SPEF2: variants seen among roughly 807,000 people sequenced by gnomAD.
SPEF2 encodes sperm flagellar and cilia associated 2.
Under a neutral mutation model 224.6 loss-of-function variants are expected in SPEF2, and 187 were observed. The ratio of observed to expected loss-of-function variants is 0.83; its 90% confidence interval spans 0.74 to 0.94. The LOEUF is 0.94. SPEF2 is among the 40% of genes least tolerant of loss of function. SPEF2 has a pLI of 0.00. For missense variants in SPEF2, 2,170 were observed against 2,135.6 expected (o/e 1.02, Z -0.32); for synonymous variants, 715 against 707.3 (o/e 1.01, Z -0.17).
At chr5:35,639,425 C>CT (rs1158444328) in intron 2 of SPEF2, among the ~76,000 whole-genome samples, 1 of 152,072 alleles carries the variant, frequency 6.6e-6, no homozygotes, top group Non-Finnish European at 1.5e-5. Flanking sequence ...AAAATAATCC[C>CT]TTTTTTGTCA....
intron 6 of SPEF2, among the ~76,000 whole-genome samples, chr5:35,653,467 G>T (rs747358751): frequency 2.4e-4 from 36 of 152,154 alleles, no homozygotes; most frequent in African/African-American, 4.8e-5. Flanking sequence ...GGAACCATCT[G>T]TACATAGAAG....
rs758974708 is a variant in SPEF2, at chr5:35,670,256, GC to G, written c.1524+30del. ...CCTACTGATATGAAATAATTAGAAT[GC>G]TACATAATAAATCCTTTTTCTTTAA... is the stretch of plus-strand genomic sequence containing the variant. On this transcript the variant is annotated intron_variant, in intron 10 of 36. Transcript: ENST00000356031. 4.2e-5 allele frequency: 65 copies of G among 1,547,300 alleles called. No individual in the cohort carries two copies. In the Admixed American group the frequency reaches 5.9e-4, roughly 14 times the overall value.
chr5:35,789,728 G>A, intron 30 of SPEF2: 1 of 678,880 alleles, frequency 1.5e-6, no homozygotes. Flanking sequence ...TGCTGACTTT[G>A]AACCTATTAT....
chr5:35,764,827 C>T (rs1751873133), intron 26 of SPEF2: 2 of 415,528 alleles, frequency 4.8e-6, no homozygotes, highest in South Asian at 1.8e-5. Flanking sequence ...CTTTTGTTCT[C>T]CCCGCTTATT....
intron 23 of SPEF2, among the ~76,000 whole-genome samples, chr5:35,749,216 G>A (rs1024653619): frequency 4.6e-5 from 7 of 152,054 alleles, no homozygotes; most frequent in East Asian, 1.9e-4. Context: ...TGTAATAAAA[G>A]CCATCTATGA....
At chr5:35,649,074 T>C (rs1389845) in intron 5 of SPEF2, among the ~76,000 whole-genome samples, 90,617 of 151,748 alleles carry the variant, frequency 0.6, 27,656 homozygotes, top group East Asian at 0.74. Flanking sequence ...ATGTATGTCC[T>C]GACTCTTTGA....
rs373297347 is a variant in SPEF2 at position 35,799,998 on chromosome 5, A to G, written c.4861A>G (p.Lys1621Glu). The G allele has an allele frequency of 1.9e-6, 3 of 1,613,870 alleles. No homozygotes were observed. The African/African-American group carries it at 4.0e-5, about 22-fold the overall frequency. The change falls in exon 34 of 37, where the codon AAG (lysine) becomes GAG (glutamate). Residue 1621 changes from lysine (K) to glutamate (E), a missense_variant. By Grantham distance (56) the Lys-to-Glu change is moderately conservative. Coordinates refer to ENST00000356031, the MANE Select transcript of SPEF2 (RefSeq NM_024867.4). ...CTTTAGGCTATTTGCTGACTATGAG[A>G]AGGATCCACCCCAGCTTGACTACAC... is the stretch of plus-strand genomic sequence containing the variant. ...FFFRLFADYE[K>E]DPPQLDYTQM...
chr5:35,794,443 A>G (rs1357082550), intron 32 of SPEF2, among the ~76,000 whole-genome samples: 2 of 152,140 alleles, frequency 1.3e-5, no homozygotes, highest in Non-Finnish European at 2.9e-5. Flanking sequence ...GAGTTGAGCC[A>G]GAAGGAAAAA....
intron 2 of SPEF2, 60 bp from the exon 3 acceptor site, chr5:35,641,371 T>C (rs1352576457): frequency 1.3e-6 from 2 of 1,509,164 alleles, no homozygotes; most frequent in African/African-American, 1.4e-5. Context: ...TGTCTGATAT[T>C]TGTTGTTTGT....
At chr5:35,803,111 G>A (rs1378162853) in intron 34 of SPEF2, among the ~76,000 whole-genome samples, 2 of 152,328 alleles carry the variant, frequency 1.3e-5, no homozygotes, top group Non-Finnish European at 2.9e-5. Context: ...GGCCAGGAAA[G>A]AAGTGAAGAA....
intron 20 of SPEF2, among the ~76,000 whole-genome samples, chr5:35,718,227 C>G (rs1191311461): frequency 3.3e-5 from 5 of 152,152 alleles, no homozygotes; most frequent in Admixed American, 3.3e-4. Context: ...TGAGCCCAAT[C>G]CTAAGCCAAC....
chr5:35,738,012 C>T (rs1288047344), intron 21 of SPEF2, among the ~76,000 whole-genome samples: 3 of 152,172 alleles, frequency 2.0e-5, no homozygotes, highest in Admixed American at 6.5e-5. Flanking sequence ...TAAATGTCTT[C>T]TTTTAAGAAG....
chr5:35,687,544 A>G (rs1307971824), intron 10 of SPEF2, among the ~76,000 whole-genome samples: 1 of 151,886 alleles, frequency 6.6e-6, no homozygotes, highest in Non-Finnish European at 1.5e-5. Flanking sequence ...TTTAGTAGAG[A>G]CAGGGTTTCA....
At chr5:35,780,425 T>A (rs2149802313) in intron 30 of SPEF2, among the ~76,000 whole-genome samples, 2 of 152,256 alleles carry the variant, frequency 1.3e-5, no homozygotes, top group Non-Finnish European at 2.9e-5. Flanking sequence ...TCAAATCAGC[T>A]AGAGCAGGCT....
chr5:35,746,470 A>C (rs1748541191), intron 23 of SPEF2, among the ~76,000 whole-genome samples: 1 of 152,222 alleles, frequency 6.6e-6, no homozygotes, highest in Non-Finnish European at 1.5e-5. Context: ...TAGCTAAAAG[A>C]AAAAACAAAC....
intron 21 of SPEF2, among the ~76,000 whole-genome samples, chr5:35,734,107 G>T (rs1746123136): frequency 6.6e-6 from 1 of 152,116 alleles, no homozygotes; most frequent in Non-Finnish European, 1.5e-5. Flanking sequence ...CTCTAGACAA[G>T]AACTAATAAA....
At chr5:35,751,491 TA>T (rs1301849023) in intron 23 of SPEF2, among the ~76,000 whole-genome samples, 1 of 151,832 alleles carries the variant, frequency 6.6e-6, no homozygotes, top group African/African-American at 2.4e-5. Context: ...ATTAATTAAT[TA>T]AAAATATATA....
At chr5:35,793,801 A>G (rs984137014) in intron 32 of SPEF2, among the ~76,000 whole-genome samples, 9 of 151,598 alleles carry the variant, frequency 5.9e-5, no homozygotes, top group African/African-American at 1.9e-4. Context: ...CTTTGGGGTG[A>G]GAGGGTGATG....
At chr5:35,772,682 C>T (rs372444359) in intron 27 of SPEF2, among the ~76,000 whole-genome samples, 2 of 152,042 alleles carry the variant, frequency 1.3e-5, no homozygotes, top group South Asian at 2.1e-4. Flanking sequence ...CAATAAAGAA[C>T]GCACCACTTT....
Sources: gnomAD v4.1 joint callset for allele counts (sites outside exome capture counted in the v4.1 genomes callset) on GRCh38, gnomAD v4.1.1 for gene constraint, MANE v1.5 for transcripts, NCBI Gene and HGNC (gene_info 2026-07-23, HGNC 2026-07-21) for gene names.